The following CYTH3 variants were observed in gnomAD, a reference collection of about 807,000 sequenced individuals.
CYTH3 encodes the protein cytohesin-3.
Under a neutral mutation model 55.1 loss-of-function variants are expected in CYTH3, and 23 were observed. The observed-to-expected ratio is 0.42, with a 90% CI of 0.30 to 0.59. The LOEUF (loss-of-function observed/expected upper bound fraction) is 0.59. Ranked by LOEUF, CYTH3 falls within the 20% of genes least tolerant of loss-of-function variation. CYTH3 has a pLI of 0.20. For synonymous variants in CYTH3, 249 were observed against 194.9 expected (o/e 1.28, Z -2.31); for missense variants, 413 against 524.8 (o/e 0.79, Z 2.08).
chr7:6,221,569 T>C (rs1179688547), intron 1 of CYTH3, among the ~76,000 whole-genome samples: 3 of 152,168 alleles, frequency 2.0e-5, no homozygotes, highest in Non-Finnish European at 4.4e-5. Context: ...AATGTCAGCT[T>C]CCTGATTTTG....
chr7:6,199,433 G>C (rs1166428570), intron 1 of CYTH3, among the ~76,000 whole-genome samples: 1 of 152,154 alleles, frequency 6.6e-6, no homozygotes, highest in Non-Finnish European at 1.5e-5. Context: ...GGAGGATCTG[G>C]AGCCCAAGAG....
intron 1 of CYTH3, among the ~76,000 whole-genome samples, chr7:6,225,589 C>T (rs1163857717): frequency 6.6e-6 from 1 of 151,970 alleles, no homozygotes; most frequent in African/African-American, 2.4e-5. Flanking sequence ...CACCCGACCT[C>T]AGGTGATCCA....
Position 6,259,784 on chromosome 7 carries a change from AATATATATAT to A in CYTH3, c.34+12680_34+12689del, listed in dbSNP as rs71523777. Among the ~76,000 whole-genome samples, 98 of 20,920 alleles carry A rather than the reference AATATATATAT, an allele frequency of 4.7e-3. 2 individuals carry two copies. The highest frequency in any genetic ancestry group is 5.5e-3 in the African/African-American group (11 of 1,996). The allele number at this position is 20,920 out of a possible 152,430, so 13.7% of individuals were successfully genotyped here. On this transcript the variant is annotated intron_variant, in intron 1 of 12. Coordinates refer to ENST00000350796, the MANE Select transcript of CYTH3 (RefSeq NM_004227.4). ...ATATATATATATATTATATATATAT[AATATATATAT>A]ATATATATATATATATATAATATAT... is the stretch of plus-strand genomic sequence containing the variant.
At chr7:6,271,123 G>T (rs939432078) in intron 1 of CYTH3, among the ~76,000 whole-genome samples, 1 of 152,036 alleles carries the variant, frequency 6.6e-6, no homozygotes. Context: ...CTGTAGGAGG[G>T]TTCGCAACTG....
intron 1 of CYTH3, among the ~76,000 whole-genome samples, chr7:6,259,806 TATATATAATATATATATATATA>T (rs1562417968): frequency 9.9e-5 from 3 of 30,186 alleles, no homozygotes; most frequent in Non-Finnish European, 1.3e-4. Context: ...TATATATATA[TATATATAATATATATATATATA>T]TATATTTTTT....
At chr7:6,256,506 AAGAC>A (rs369811418) in intron 1 of CYTH3, among the ~76,000 whole-genome samples, 21 of 152,358 alleles carry the variant, frequency 1.4e-4, no homozygotes, top group African/African-American at 4.8e-4. Flanking sequence ...CTTTAGATGC[AAGAC>A]AGTCCGCTCT....
intron 1 of CYTH3, among the ~76,000 whole-genome samples, chr7:6,256,794 GCCAAGGGAGGGCAGGACACA>G (rs1374086992): frequency 3.3e-5 from 5 of 152,222 alleles, no homozygotes; most frequent in African/African-American, 9.6e-5. Flanking sequence ...TACTGGGGGA[GCCAAGGGAGGGCAGGACACA>G]CCACATCCAT....
intron 1 of CYTH3, among the ~76,000 whole-genome samples, chr7:6,225,002 T>C (rs537314904): frequency 9.6e-4 from 146 of 152,284 alleles, no homozygotes; most frequent in Middle Eastern, 6.8e-3. Flanking sequence ...GGCAAATCTA[T>C]AGAGACAGAA....
At chr7:6,269,917 G>A (rs944993984) in intron 1 of CYTH3, among the ~76,000 whole-genome samples, 2 of 152,120 alleles carry the variant, frequency 1.3e-5, no homozygotes, top group African/African-American at 4.8e-5. Flanking sequence ...CATAACTACT[G>A]TTTGAATAGA....
chr7:6,182,664 G>A (rs1225850708), intron 4 of CYTH3, among the ~76,000 whole-genome samples: 1 of 151,938 alleles, frequency 6.6e-6, no homozygotes, highest in Non-Finnish European at 1.5e-5. Flanking sequence ...ATACCACCAT[G>A]CCTGGCTTAT....
intron 3 of CYTH3, 56 bp from the exon 4 acceptor site, chr7:6,187,172 GTC>G: frequency 1.9e-6 from 3 of 1,544,340 alleles, no homozygotes; most frequent in Non-Finnish European, 1.8e-6. Context: ...ATGCAGCCCA[GTC>G]ACGGCCCTCC....
chr7:6,224,363 A>C lies in CYTH3; in HGVS notation c.35-33832T>G, dbSNP rs554066326. Among the ~76,000 whole-genome samples the C allele has an allele frequency of 2.6e-5, 4 of 152,168 alleles. No individual in the cohort carries two copies. The South Asian group carries it at 8.3e-4, about 32-fold the overall frequency. On this transcript the variant is annotated intron_variant, in intron 1 of 12. Transcript: ENST00000350796. ...TGATGGAACCGACTATAGAGCCTAA[A>C]AACAAAACCATATATTATTAAAAGT...
At position 6,161,863 on chromosome 7, in the gene CYTH3, C is replaced by G. The variant is rs902453944; in HGVS notation, c.*3081G>C. 1 of 152,648 alleles carries G rather than the reference C, an allele frequency of 6.6e-6. No homozygotes were observed. The highest frequency in any genetic ancestry group is 2.4e-5 in the African/African-American group (1 of 41,452). 9.5% of individuals were successfully genotyped at this position (152,648 alleles called of 1,614,324 possible). ...CCATCCACCCTCCAATCTTACTTCA[C>G]TTTACAACCAAGTATCAATAGAGGC... On this transcript the variant is annotated 3_prime_UTR_variant, in exon 13 of 13. Transcript: ENST00000350796.
Position 6,164,997 on chromosome 7 carries a change from GATCT to G in CYTH3, c.1143_1146del (p.Arg381SerfsTer23). 1 of 1,614,188 alleles carries G rather than the reference GATCT, an allele frequency of 6.2e-7. No homozygotes were observed. Among genetic ancestry groups the G allele is most frequent in the East Asian group, 2.2e-5 (1 of 44,886 alleles). The stretch of plus-strand genomic sequence containing the variant: ...CTCGTTGCCAACATGTCATAGAAGG[GATCT>G]CTGCTGATACTGGCTCTGGTGAAAA... On this transcript the variant is annotated frameshift_variant, in exon 13 of 13. Transcript: ENST00000350796. LOFTEE classifies it high-confidence loss of function.
intron 5 of CYTH3, among the ~76,000 whole-genome samples, chr7:6,174,326 G>A (rs532588923): frequency 6.6e-6 from 1 of 151,074 alleles, no homozygotes; most frequent in African/African-American, 2.4e-5. Context: ...TGTTGGTCAG[G>A]CTGGTCTCGA....
In CYTH3 at chr7:6,169,377, C is replaced by T. The variant is rs546967527; in HGVS notation, c.823+1158G>A. On this transcript the variant is annotated intron_variant, in intron 9 of 12. Transcript: ENST00000350796. This position sits in a 1 kb window ranked among gnomAD's most constrained non-coding sequence, Gnocchi z 4.1. ...CTGGGACTACAGGCACACACCATCACGCCAGGCTAATTTTTTGTAAAGATG... is the reference window on the plus strand; with the variant it reads ...CTGGGACTACAGGCACACACCATCATGCCAGGCTAATTTTTTGTAAAGATG... Among the ~76,000 whole-genome samples the T allele has an allele frequency of 1.3e-5, 2 of 152,250 alleles. No homozygotes were observed. Among genetic ancestry groups the T allele is most frequent in the East Asian group, 1.9e-4 (1 of 5,178 alleles).
At chr7:6,194,838 C>T (rs1274541820) in intron 1 of CYTH3, among the ~76,000 whole-genome samples, 2 of 150,318 alleles carry the variant, frequency 1.3e-5, no homozygotes, top group South Asian at 2.1e-4. Flanking sequence ...AGCTGGGTGC[C>T]GTGGCGGGCG....
chr7:6,214,761 A>G (rs896567742), intron 1 of CYTH3, among the ~76,000 whole-genome samples: 2 of 152,238 alleles, frequency 1.3e-5, no homozygotes, highest in African/African-American at 4.8e-5. Context: ...CCTAAAGGAC[A>G]CATGCGATTG....
At chr7:6,190,022 C>T (rs185136300) in intron 2 of CYTH3, among the ~76,000 whole-genome samples, 20 of 152,012 alleles carry the variant, frequency 1.3e-4, no homozygotes, top group African/African-American at 4.6e-4. Context: ...GGCAACAGAG[C>T]GAGACTCTGT....
Sources: gnomAD v4.1 joint callset for allele counts (sites outside exome capture counted in the v4.1 genomes callset) on GRCh38, gnomAD v4.1.1 for gene constraint, Gnocchi (gnomAD v3.1) non-coding constraint, MANE v1.5 for transcripts, NCBI Gene and HGNC (gene_info 2026-07-23, HGNC 2026-07-21) for gene names.